CFAP54: variants seen among roughly 807,000 people sequenced by gnomAD.
The protein encoded by CFAP54 is cilia and flagella associated protein 54, also known as cilia- and flagella-associated protein 54.
Under a neutral mutation model 370.4 loss-of-function variants are expected in CFAP54, and 290 were observed. That is an observed-to-expected ratio of 0.78 (90% CI 0.71 to 0.86). The LOEUF (loss-of-function observed/expected upper bound fraction) is 0.86. Ranked by LOEUF, CFAP54 falls within the 40% of genes least tolerant of loss-of-function variation. CFAP54 has a pLI of 0.00. For missense variants in CFAP54, 3,399 were observed against 3,528.7 expected (o/e 0.96, Z 0.93); for synonymous variants, 1,206 against 1,236.5 (o/e 0.98, Z 0.52).
chr12:96,534,039 C>T (rs2111146), intron 10 of CFAP54, 23 bp from the exon 11 acceptor site: 663,261 of 1,501,130 alleles, frequency 0.44, 150,332 homozygotes, highest in South Asian at 0.47. Context: ...TACTAATTAA[C>T]GTGTGGGATA....
chr12:96,647,135 A>C (rs940192332), intron 33 of CFAP54: 1 of 151,630 alleles, frequency 6.6e-6, no homozygotes, highest in Non-Finnish European at 1.5e-5. Flanking sequence ...TAAACTATTT[A>C]TTTTTTTTGA....
chr12:96,866,421 T>TA (rs1960007158), intron 67 of CFAP54, among the ~76,000 whole-genome samples: 1 of 152,170 alleles, frequency 6.6e-6, no homozygotes, highest in South Asian at 2.1e-4. Context: ...ATAACCATTT[T>TA]CAACTATTCA....
intron 32 of CFAP54, among the ~76,000 whole-genome samples, chr12:96,640,501 C>T (rs1053873504): frequency 6.6e-6 from 1 of 152,146 alleles, no homozygotes; most frequent in Non-Finnish European, 1.5e-5. Flanking sequence ...CCATACTGCC[C>T]AAGGTAATTT....
chr12:96,845,507 C>A (rs962083644), intron 66 of CFAP54, among the ~76,000 whole-genome samples: 1 of 152,220 alleles, frequency 6.6e-6, no homozygotes, highest in Non-Finnish European at 1.5e-5. Flanking sequence ...AGCCCACATC[C>A]AATTACTGGT....
At chr12:96,507,269 G>C (rs1285462048) in intron 4 of CFAP54, among the ~76,000 whole-genome samples, 170 bp downstream of exon 4, 1 of 152,110 alleles carries the variant, frequency 6.6e-6, no homozygotes, top group Non-Finnish European at 1.5e-5. Flanking sequence ...AAATTGGGAT[G>C]GATAAAGCAT....
chr12:96,738,608 CTTTTTTTT>C (rs71068829), intron 50 of CFAP54, among the ~76,000 whole-genome samples: 1,486 of 129,194 alleles, frequency 0.012, 30 homozygotes, highest in African/African-American at 0.041. Context: ...TCTAAATCTC[CTTTTTTTT>C]TTTTTTTTTT....
At chr12:96,870,840 TG>T (rs1273618526) in intron 67 of CFAP54, among the ~76,000 whole-genome samples, 1 of 152,152 alleles carries the variant, frequency 6.6e-6, no homozygotes, top group Non-Finnish European at 1.5e-5. Flanking sequence ...TTGAAGTCCC[TG>T]GGGAATGACT....
At chr12:96,684,804 T>G in intron 41 of CFAP54, 69 bp downstream of exon 41, 1 of 1,308,872 alleles carries the variant, frequency 7.6e-7, no homozygotes, top group South Asian at 1.3e-5. Flanking sequence ...AAGTTTTTAA[T>G]GAAAAAACAT....
intron 38 of CFAP54, 127 bp from the exon 39 acceptor site, chr12:96,663,702 CT>C (rs1161251472): frequency 1.6e-5 from 10 of 640,602 alleles, no homozygotes; most frequent in South Asian, 4.4e-5. Flanking sequence ...ATTCTGCCAG[CT>C]TTTTTTGTAG....
intron 32 of CFAP54, among the ~76,000 whole-genome samples, chr12:96,638,233 GTGTGTGTGTA>G (rs1328629935): frequency 2.3e-3 from 212 of 93,376 alleles, no homozygotes; most frequent in East Asian, 5.3e-3. Context: ...GTGTGTGTGT[GTGTGTGTGTA>G]TATATATATA....
rs570659902 is a variant in CFAP54, at chr12:96,764,420, C to T, written c.8139+171C>T. ...GGAGGATCACTTGAATCCAGGAGGT[C>T]GAGACCAGCCTGGACAACATAGCAA... is the stretch of plus-strand genomic sequence containing the variant. On this transcript the variant is annotated intron_variant, in intron 59 of 67. Transcript: ENST00000524981. Among the ~76,000 whole-genome samples, 62 of 152,158 alleles carry T rather than the reference C, an allele frequency of 4.1e-4. 1 individual carries two copies. The South Asian group carries it at 0.013, about 31-fold the overall frequency.
rs192018333 is a variant in CFAP54 at position 96,804,989 on chromosome 12, T to C, written c.8851-6747T>C. 5.8e-3 allele frequency among the ~76,000 whole-genome samples: 886 copies of C among 152,132 alleles called. 6 individuals carry two copies. The highest frequency in any genetic ancestry group is 9.0e-3 in the Non-Finnish European group (611 of 67,976). On this transcript the variant is annotated intron_variant, in intron 63 of 67. Coordinates refer to ENST00000524981, the MANE Select transcript of CFAP54 (RefSeq NM_001306084.2). ...TGACAAAGTTAACAAAAATATACAC[T>C]AAGGAAAGGACACCCTGTTTAATAA...
chr12:96,647,460 G>A (rs535617335), intron 33 of CFAP54, among the ~76,000 whole-genome samples: 20 of 50,682 alleles, frequency 3.9e-4, no homozygotes, highest in South Asian at 1.7e-3. Context: ...GCGACAGAGC[G>A]AGACTCTGTC....
At chr12:96,525,545 T>C (rs1490308488) in intron 8 of CFAP54, among the ~76,000 whole-genome samples, 1 of 152,198 alleles carries the variant, frequency 6.6e-6, no homozygotes, top group African/African-American at 2.4e-5. Context: ...GGTTTTACCA[T>C]TTCATTTTGA....
intron 67 of CFAP54, among the ~76,000 whole-genome samples, chr12:96,861,232 G>C (rs563163626): frequency 6.6e-6 from 1 of 152,320 alleles, no homozygotes; most frequent in South Asian, 2.1e-4. Flanking sequence ...TTTTTGGACA[G>C]GTCCATAAAG....
Position 96,786,929 on chromosome 12 carries a change from A to G in CFAP54, c.8679+31A>G, listed in dbSNP as rs902216670. Reference sequence around the variant, plus strand: ...GTTTTTTGAAACATGATATATTTACATAAAACTTCTTGGAATCATCATTAT... The same window carrying G: ...GTTTTTTGAAACATGATATATTTACGTAAAACTTCTTGGAATCATCATTAT... On this transcript the variant is annotated intron_variant, in intron 62 of 67. Coordinates refer to ENST00000524981, the MANE Select transcript of CFAP54 (RefSeq NM_001306084.2). 6.4e-6 allele frequency: 9 copies of G among 1,409,008 alleles called. No individual in the cohort carries two copies. The African/African-American group carries it at 1.0e-4, about 16-fold the overall frequency. 87.3% of individuals were successfully genotyped at this position (1,409,008 alleles called of 1,614,324 possible). A position where few individuals can be genotyped will look rare whatever the true frequency, so the allele number is the denominator to read the frequency against.
In CFAP54 at chr12:96,512,994, T is replaced by C; in HGVS notation, c.748T>C (p.Tyr250His). 6.6e-7 allele frequency: 1 copy of C among 1,517,180 alleles called. No homozygotes were observed. Among genetic ancestry groups the C allele is most frequent in the Non-Finnish European group, 8.8e-7 (1 of 1,136,066 alleles). 94.0% of individuals were successfully genotyped at this position (1,517,180 alleles called of 1,614,324 possible). A position where few individuals can be genotyped will look rare whatever the true frequency, so the allele number is the denominator to read the frequency against. Residue 250 changes from tyrosine (Y) to histidine (H), a missense_variant, in exon 5 of 68, where the codon TAT becomes CAT. Around this residue, in one of 3 missense-constraint regions of CFAP54, gnomAD observed 559 missense variants for 576.7 expected, o/e 0.97. Transcript: ENST00000524981. ...LCWIIFNGTI[Y>H]IYTICRKLMV... ...TCGTTTTCTCCATCCAGGTACCATT[T>C]ATATTTACACCATTTGCAGAAAACT...
chr12:96,550,731 A>G (rs1955685800), intron 15 of CFAP54, among the ~76,000 whole-genome samples: 1 of 152,222 alleles, frequency 6.6e-6, no homozygotes. Context: ...AGCTCATGAG[A>G]AAGTTGGGTA....
intron 38 of CFAP54, among the ~76,000 whole-genome samples, chr12:96,659,650 A>G (rs10507078): frequency 0.43 from 64,777 of 152,080 alleles, 14,134 homozygotes; most frequent in Admixed American, 0.51. Flanking sequence ...GTCATGGTAT[A>G]TCTTGAATCA....
Sources: allele counts gnomAD v4.1 joint callset (sites outside exome capture counted in the v4.1 genomes callset), GRCh38; gene constraint gnomAD v4.1.1; regional missense constraint gnomAD v4.1.1; transcripts MANE v1.5; gene names NCBI Gene and HGNC (gene_info 2026-07-23, HGNC 2026-07-21).